The following KIAA1328 variants were observed in gnomAD, a reference collection of about 807,000 sequenced individuals.
The protein encoded by KIAA1328 is KIAA1328.
In KIAA1328, 52 loss-of-function variants were observed where a neutral mutation model predicts 68.1. The observed-to-expected ratio is 0.76, with a 90% CI of 0.61 to 0.96. The LOEUF is 0.96. Among genes scored for constraint, KIAA1328 ranks in the 40% least tolerant of loss-of-function variants. KIAA1328 has a pLI of 0.00. For synonymous variants in KIAA1328, 232 were observed against 239.4 expected (o/e 0.97, Z 0.28); for missense variants, 641 against 677.6 (o/e 0.95, Z 0.60).
chr18:36,888,846 ACT>A (rs2048586979), intron 5 of KIAA1328, among the ~76,000 whole-genome samples: 1 of 152,136 alleles, frequency 6.6e-6, no homozygotes, highest in South Asian at 2.1e-4. Flanking sequence ...AATGATTCAG[ACT>A]CTTACATATA....
At chr18:36,854,023 C>G (rs898647096) in intron 4 of KIAA1328, among the ~76,000 whole-genome samples, 1 of 152,164 alleles carries the variant, frequency 6.6e-6, no homozygotes, top group Non-Finnish European at 1.5e-5. Flanking sequence ...TGTTAATCCT[C>G]AGTATCTCAG....
At chr18:36,867,862 A>G (rs1462736346) in intron 4 of KIAA1328, among the ~76,000 whole-genome samples, 1 of 152,254 alleles carries the variant, frequency 6.6e-6, no homozygotes, top group African/African-American at 2.4e-5. Context: ...GTGTCTAAGA[A>G]TAAAAACAAA....
At position 36,876,453 on chromosome 18, in the gene KIAA1328, T is replaced by A. The variant is rs181311023; in HGVS notation, c.333-9104T>A. ...TCCATTTCTTCTAGATTTTCTAGTG[T>A]ATTTGTGTAGAGGTGTTTATAGTAT... is the stretch of plus-strand genomic sequence containing the variant. On this transcript the variant is annotated intron_variant, in intron 4 of 9. Transcript: ENST00000280020. Among the ~76,000 whole-genome samples the A allele has an allele frequency of 3.3e-5, 5 of 152,318 alleles. No individual in the cohort carries two copies. In the East Asian group the frequency reaches 9.7e-4, roughly 29 times the overall value.
chr18:36,830,048 T>C (rs2046413261), intron 1 of KIAA1328, among the ~76,000 whole-genome samples: 1 of 152,234 alleles, frequency 6.6e-6, no homozygotes, highest in Non-Finnish European at 1.5e-5. Context: ...CAATCTGTGT[T>C]ACTGAGTGCT....
At chr18:37,118,242 G>A (rs1034814158) in intron 7 of KIAA1328, among the ~76,000 whole-genome samples, 1 of 151,958 alleles carries the variant, frequency 6.6e-6, no homozygotes, top group South Asian at 2.1e-4. Flanking sequence ...TGATCCACCC[G>A]CCTCAGCCTC....
At chr18:37,030,516 T>C (rs1338258951) in intron 6 of KIAA1328, among the ~76,000 whole-genome samples, 1 of 152,176 alleles carries the variant, frequency 6.6e-6, no homozygotes, top group Non-Finnish European at 1.5e-5. Flanking sequence ...AAAATGTGTC[T>C]TCCACAATTT....
chr18:36,976,467 T>A (rs578136754), intron 6 of KIAA1328, among the ~76,000 whole-genome samples: 4 of 152,160 alleles, frequency 2.6e-5, no homozygotes, highest in Non-Finnish European at 5.9e-5. Flanking sequence ...TTCCTGCTTT[T>A]TACAGGTTAC....
At chr18:37,093,977 AATGAGGAAATGGC>A (rs747134308) in intron 7 of KIAA1328, among the ~76,000 whole-genome samples, 20 of 152,234 alleles carry the variant, frequency 1.3e-4, no homozygotes, top group Non-Finnish European at 2.6e-4. Context: ...CTCATGAGGA[AATGAGGAAATGGC>A]ATGAGGAAAT....
intron 4 of KIAA1328, among the ~76,000 whole-genome samples, chr18:36,862,530 T>G (rs1288190548): frequency 6.6e-6 from 1 of 152,198 alleles, no homozygotes; most frequent in African/African-American, 2.4e-5. Context: ...GTTGCATGTA[T>G]CAATAATTTG....
chr18:36,847,490 G>C (rs950402013), intron 4 of KIAA1328, among the ~76,000 whole-genome samples: 2 of 151,374 alleles, frequency 1.3e-5, no homozygotes, highest in Admixed American at 1.3e-4. Context: ...GTGTTTACCG[G>C]TGACTAATGT....
chr18:36,933,178 T>C (rs1356189108), intron 5 of KIAA1328, among the ~76,000 whole-genome samples: 3 of 152,098 alleles, frequency 2.0e-5, no homozygotes, highest in Non-Finnish European at 4.4e-5. Flanking sequence ...TATAAATATA[T>C]ACATATATTA....
Position 37,173,200 on chromosome 18 carries a change from G to A in KIAA1328, c.1523+119G>A. ...TCTTAGTAATTCTTTCTCAAGAGAG[G>A]TCCTTCTTTTGAAGCATCTAGATTT... On this transcript the variant is annotated intron_variant, in intron 9 of 9. Coordinates refer to ENST00000280020, the MANE Select transcript of KIAA1328 (RefSeq NM_020776.3). 4 of 712,678 alleles carry A rather than the reference G, an allele frequency of 5.6e-6. 1 individual carries two copies. The highest frequency in any genetic ancestry group is 4.5e-5 in the South Asian group (2 of 44,348). The allele number at this position is 712,678 out of a possible 1,614,324, so 44.1% of individuals were successfully genotyped here.
At chr18:36,938,246 T>C (rs1436454796) in intron 5 of KIAA1328, among the ~76,000 whole-genome samples, 2 of 152,134 alleles carry the variant, frequency 1.3e-5, no homozygotes, top group Non-Finnish European at 2.9e-5. Context: ...CTTTTCTCTA[T>C]ATCCTCACCA....
At chr18:37,065,231 G>T (rs1189644941) in intron 6 of KIAA1328, among the ~76,000 whole-genome samples, 2 of 152,192 alleles carry the variant, frequency 1.3e-5, no homozygotes, top group East Asian at 3.8e-4. Context: ...ATAGAAAATG[G>T]CAAGAAAGTA....
At chr18:36,883,258 T>C (rs970114983) in intron 4 of KIAA1328, among the ~76,000 whole-genome samples, 4 of 152,200 alleles carry the variant, frequency 2.6e-5, no homozygotes, top group Non-Finnish European at 5.9e-5. Context: ...AAATTTAAAA[T>C]GTTTTGAGCA....
intron 7 of KIAA1328, among the ~76,000 whole-genome samples, chr18:37,123,276 AAGG>A (rs1412747263): frequency 2.6e-5 from 4 of 152,196 alleles, no homozygotes; most frequent in African/African-American, 4.8e-5. Flanking sequence ...CACATTCTAA[AAGG>A]AGATGAGGGC....
intron 5 of KIAA1328, among the ~76,000 whole-genome samples, chr18:36,913,685 C>T (rs2049566057): frequency 7.3e-6 from 1 of 137,000 alleles, no homozygotes; most frequent in Admixed American, 7.9e-5. Flanking sequence ...CTCATTTTCC[C>T]TTTAAAAATC....
At chr18:37,150,615 A>G (rs918713814) in intron 7 of KIAA1328, among the ~76,000 whole-genome samples, 4 of 152,012 alleles carry the variant, frequency 2.6e-5, no homozygotes, top group African/African-American at 9.7e-5. Flanking sequence ...ACAAAATATC[A>G]GCAATTTAAG....
At chr18:36,875,024 G>T (rs1320264696) in intron 4 of KIAA1328, among the ~76,000 whole-genome samples, 1 of 152,038 alleles carries the variant, frequency 6.6e-6, no homozygotes, top group East Asian at 1.9e-4. Flanking sequence ...TCTTTCACTG[G>T]TCTATATATC....
Sources: gnomAD v4.1 joint callset for allele counts (sites outside exome capture counted in the v4.1 genomes callset) on GRCh38, gnomAD v4.1.1 for gene constraint, MANE v1.5 for transcripts, NCBI Gene and HGNC (gene_info 2026-07-23, HGNC 2026-07-21) for gene names.